The following GAS2 variants were observed in gnomAD, a reference collection of about 807,000 sequenced individuals.
GAS2 encodes growth arrest-specific protein 2.
In GAS2, 20 loss-of-function variants were observed where a neutral mutation model predicts 37.5. The ratio of observed to expected loss-of-function variants is 0.53; its 90% CI spans 0.37 to 0.77. The LOEUF is 0.77. Among genes scored for constraint, GAS2 ranks in the 30% least tolerant of loss-of-function variants. The pLI is 0.00. For synonymous variants in GAS2, 144 were observed against 132.2 expected (o/e 1.09, Z -0.61); for missense variants, 336 against 373.4 (o/e 0.90, Z 0.82).
At chr11:22,656,778 TTGTC>T (rs1335622892) in intron 1 of GAS2, among the ~76,000 whole-genome samples, 1 of 151,980 alleles carries the variant, frequency 6.6e-6, no homozygotes, top group Non-Finnish European at 1.5e-5. Flanking sequence ...GTGATAGTGT[TTGTC>T]ATGATGTGTG....
chr11:22,627,925 T>C (rs1340244090), intron 1 of GAS2, among the ~76,000 whole-genome samples: 1 of 152,144 alleles, frequency 6.6e-6, no homozygotes, highest in East Asian at 1.9e-4. Context: ...ACCAGGCCTA[T>C]TTAAGGAGGT....
intron 7 of GAS2, among the ~76,000 whole-genome samples, chr11:22,782,551 T>C (rs1477825278): frequency 6.6e-6 from 1 of 152,014 alleles, no homozygotes; most frequent in Non-Finnish European, 1.5e-5. Flanking sequence ...TTTTCAGCTC[T>C]TGCCCCCACA....
chr11:22,653,136 G>A (rs371940192), intron 1 of GAS2, among the ~76,000 whole-genome samples: 15 of 137,454 alleles, frequency 1.1e-4, no homozygotes, highest in South Asian at 4.7e-4. Context: ...TTCTTGCCTC[G>A]TCTCCTCTCC....
chr11:22,812,687 A>G lies in GAS2; in HGVS notation c.*671A>G, dbSNP rs1261161603. 1 of 152,636 alleles carries G rather than the reference A, an allele frequency of 6.6e-6. No individual in the cohort carries two copies. 9.5% of individuals were successfully genotyped at this position (152,636 alleles called of 1,614,324 possible). On this transcript the variant is annotated 3_prime_UTR_variant, in exon 8 of 8. Transcript: ENST00000454584. The stretch of plus-strand genomic sequence containing the variant: ...TTATGAGTTATTTCACACATTCCTG[A>G]GCACATGGCTGTGTTTAGAATGATC...
At chr11:22,639,536 A>G (rs561293264) in intron 1 of GAS2, among the ~76,000 whole-genome samples, 1 of 152,242 alleles carries the variant, frequency 6.6e-6, no homozygotes, top group East Asian at 1.9e-4. Context: ...CGATTTCTTC[A>G]TTTCATTGGT....
intron 4 of GAS2, among the ~76,000 whole-genome samples, 166 bp from the exon 5 acceptor site, chr11:22,737,539 T>C (rs981927699): frequency 1.3e-5 from 2 of 152,176 alleles, no homozygotes; most frequent in African/African-American, 4.8e-5. Flanking sequence ...TTTAAGCCTT[T>C]AGTAGAGCTA....
chr11:22,662,004 TG>T (rs567697129), upstream of GAS2, among the ~76,000 whole-genome samples: 66 of 152,334 alleles, frequency 4.3e-4, 1 homozygote, highest in African/African-American at 1.5e-3. Flanking sequence ...GTAATGTTTT[TG>T]TGAAACATAC....
intron 3 of GAS2, among the ~76,000 whole-genome samples, chr11:22,719,330 C>G (rs977782697): frequency 6.6e-6 from 1 of 152,046 alleles, no homozygotes; most frequent in Non-Finnish European, 1.5e-5. Flanking sequence ...ACCCCTTTCT[C>G]CTACCCCTGG....
At chr11:22,792,772 T>C (rs1012146032) in intron 7 of GAS2, among the ~76,000 whole-genome samples, 2 of 152,222 alleles carry the variant, frequency 1.3e-5, no homozygotes, top group African/African-American at 2.4e-5. Context: ...ATAGACATAG[T>C]CAGTGATGAA....
chr11:22,651,826 T>C (rs1486751575), intron 1 of GAS2, among the ~76,000 whole-genome samples: 2 of 152,188 alleles, frequency 1.3e-5, no homozygotes, highest in African/African-American at 2.4e-5. Context: ...TCTTCTAAAC[T>C]TTTTTCAAAG....
At chr11:22,688,346 T>A (rs981758472) in intron 3 of GAS2, 1 of 152,156 alleles carries the variant, frequency 6.6e-6, no homozygotes, top group African/African-American at 2.4e-5. Flanking sequence ...AATAAATACT[T>A]TATAGTCTAC....
chr11:22,739,732 C>CA (rs1348476067), intron 5 of GAS2, among the ~76,000 whole-genome samples: 3 of 151,630 alleles, frequency 2.0e-5, no homozygotes, highest in East Asian at 1.9e-4. Context: ...AGAGAACAGA[C>CA]AAAAAACTTT....
intron 6 of GAS2, 111 bp downstream of exon 6, chr11:22,749,372 A>G: frequency 9.6e-7 from 1 of 1,037,844 alleles, no homozygotes; most frequent in South Asian, 1.9e-5. Context: ...AATTTTCTTG[A>G]AATGTATTTT....
chr11:22,703,326 G>A (rs1315653537), intron 3 of GAS2, among the ~76,000 whole-genome samples: 1 of 152,110 alleles, frequency 6.6e-6, no homozygotes, highest in Non-Finnish European at 1.5e-5. Flanking sequence ...ATATTTGATA[G>A]CACTAATTGC....
At chr11:22,708,624 A>C (rs973611069) in intron 3 of GAS2, among the ~76,000 whole-genome samples, 3 of 152,144 alleles carry the variant, frequency 2.0e-5, no homozygotes, top group African/African-American at 7.2e-5. Context: ...CTATATATGG[A>C]ATATATGCCT....
At chr11:22,783,516 A>G (rs1389211952) in intron 7 of GAS2, among the ~76,000 whole-genome samples, 1 of 152,106 alleles carries the variant, frequency 6.6e-6, no homozygotes, top group Non-Finnish European at 1.5e-5. Context: ...TTTCTTTGCA[A>G]AGGCTCCTTA....
intron 1 of GAS2, among the ~76,000 whole-genome samples, chr11:22,656,019 A>T (rs1848850209): frequency 6.6e-6 from 1 of 152,194 alleles, no homozygotes; most frequent in Non-Finnish European, 1.5e-5. Context: ...AAAAAATAAA[A>T]ATATCTTTAT....
intron 2 of GAS2, among the ~76,000 whole-genome samples, chr11:22,681,013 A>T (rs1849654773): frequency 6.6e-6 from 1 of 152,248 alleles, no homozygotes; most frequent in Non-Finnish European, 1.5e-5. Context: ...ACATGAATAC[A>T]TGTAAAATGC....
Position 22,793,343 on chromosome 11 carries a change from G to A in GAS2, c.724-18455G>A, listed in dbSNP as rs553905301. Among the ~76,000 whole-genome samples the A allele has an allele frequency of 1.2e-4, 19 of 152,190 alleles. No individual in the cohort carries two copies. In the South Asian group the frequency reaches 2.9e-3, roughly 23 times the overall value. ...ACATAATTACAAAAGTGAGTTTTAT[G>A]TATAGATAATGAAATTGGTTTATAA... On this transcript the variant is annotated intron_variant, in intron 7 of 7. Transcript: ENST00000454584.
Sources: gnomAD v4.1 joint callset for allele counts (sites outside exome capture counted in the v4.1 genomes callset) on GRCh38, gnomAD v4.1.1 for gene constraint, MANE v1.5 for transcripts, NCBI Gene and HGNC (gene_info 2026-07-23, HGNC 2026-07-21) for gene names.